GRM5: variants seen among roughly 807,000 people sequenced by gnomAD.
The protein encoded by GRM5 is glutamate metabotropic receptor 5.
In GRM5, 19 loss-of-function variants were observed where a neutral mutation model predicts 83.1. The ratio of observed to expected loss-of-function variants is 0.23; its 90% CI spans 0.16 to 0.34. The LOEUF is 0.34. Among genes scored for constraint, GRM5 ranks in the 10% least tolerant of loss-of-function variants. The pLI is 1.00. For missense variants in GRM5, 1,160 were observed against 1,588.3 expected (o/e 0.73, Z 4.58); for synonymous variants, 675 against 633.6 (o/e 1.07, Z -0.98).
At chr11:88,550,620 T>C (rs1591340963) in intron 8 of GRM5, among the ~76,000 whole-genome samples, 2 of 152,060 alleles carry the variant, frequency 1.3e-5, no homozygotes, top group Non-Finnish European at 2.9e-5. Flanking sequence ...CTTCAGACAG[T>C]GGCTTTATAT....
rs530155892 is a variant in GRM5 at position 88,919,259 on chromosome 11, G to A, written c.662-69104C>T. ...GTAGCTATATATATATATATATATCGGATAAAATAGATTTTAAGACAATAA... is the reference window on the plus strand; with the variant it reads ...GTAGCTATATATATATATATATATCAGATAAAATAGATTTTAAGACAATAA... On this transcript the variant is annotated intron_variant, in intron 2 of 9. Coordinates refer to ENST00000305447, the MANE Select transcript of GRM5 (RefSeq NM_001143831.3). Among the ~76,000 whole-genome samples, 5 of 14,772 alleles carry A rather than the reference G, an allele frequency of 3.4e-4. 1 individual carries two copies. The East Asian group carries it at 7.4e-3, about 22-fold the overall frequency. The allele number at this position is 14,772 out of a possible 152,430, so 9.7% of individuals were successfully genotyped here.
chr11:88,814,780 G>GA (rs35623675), intron 3 of GRM5, among the ~76,000 whole-genome samples: 3 of 151,728 alleles, frequency 2.0e-5, no homozygotes, highest in East Asian at 1.9e-4. Flanking sequence ...AGAATAGTGG[G>GA]AAAAAAACAA....
chr11:88,874,840 C>T (rs1944823955), intron 2 of GRM5, among the ~76,000 whole-genome samples: 1 of 151,910 alleles, frequency 6.6e-6, no homozygotes, highest in African/African-American at 2.4e-5. Flanking sequence ...TATAATACCA[C>T]ACTGTAGTTT....
intron 3 of GRM5, among the ~76,000 whole-genome samples, chr11:88,811,430 A>G (rs1417740660): frequency 6.6e-6 from 1 of 152,174 alleles, no homozygotes; most frequent in African/African-American, 2.4e-5. Flanking sequence ...TGTAGAATCC[A>G]CAGTATTCTC....
In GRM5 at chr11:88,655,671, G is replaced by GTT. The variant is rs34122425; in HGVS notation, c.912-2270_912-2269dup. Among the ~76,000 whole-genome samples, 202 of 135,002 alleles carry GTT rather than the reference G, an allele frequency of 1.5e-3. No homozygotes were observed. The Middle Eastern group carries it at 0.016, about 11-fold the overall frequency. The allele number at this position is 135,002 out of a possible 152,430, so 88.6% of individuals were successfully genotyped here. Reference sequence around the variant, plus strand: ...TGATCTCTCATCATGTACTTTCTCTGTTTTTTTTTTTTTTGAGGTATATAT... The same window carrying GTT: ...TGATCTCTCATCATGTACTTTCTCTGTTTTTTTTTTTTTTTTGAGGTATATAT... On this transcript the variant is annotated intron_variant, in intron 3 of 9. Transcript: ENST00000305447.
chr11:88,941,951 CA>C (rs1938128927), intron 2 of GRM5, among the ~76,000 whole-genome samples: 2 of 151,918 alleles, frequency 1.3e-5, no homozygotes, highest in African/African-American at 2.4e-5. Flanking sequence ...CAATGTTACA[CA>C]AAAAAATTCA....
At chr11:88,720,080 C>T (rs1262997469) in intron 3 of GRM5, among the ~76,000 whole-genome samples, 1 of 151,826 alleles carries the variant, frequency 6.6e-6, no homozygotes, top group East Asian at 1.9e-4. Flanking sequence ...ACTCTCTTCC[C>T]TAAAATATAA....
At chr11:88,805,752 T>C (rs567068835) in intron 3 of GRM5, among the ~76,000 whole-genome samples, 1 of 152,320 alleles carries the variant, frequency 6.6e-6, no homozygotes, top group East Asian at 1.9e-4. Context: ...GATTAGCACA[T>C]AATATATACT....
At chr11:88,786,802 G>A (rs568048732) in intron 3 of GRM5, among the ~76,000 whole-genome samples, 2 of 150,890 alleles carry the variant, frequency 1.3e-5, no homozygotes, top group South Asian at 2.1e-4. Context: ...CCCTTTCCTC[G>A]CTCCACTTAA....
At chr11:89,051,987 G>A (rs1182460601) in intron 1 of GRM5, among the ~76,000 whole-genome samples, 1 of 152,218 alleles carries the variant, frequency 6.6e-6, no homozygotes, top group Non-Finnish European at 1.5e-5. Flanking sequence ...CTAGATGTGA[G>A]TAGTAAGGTA....
rs563508524 is a variant in GRM5, at chr11:88,848,837, A to C, written c.911+1069T>G. Among the ~76,000 whole-genome samples, 4 of 152,320 alleles carry C rather than the reference A, an allele frequency of 2.6e-5. No individual in the cohort carries two copies. The East Asian group carries it at 7.7e-4, about 29-fold the overall frequency. ...ACATTTGAAGCAGTAGACTGAGTAAAGCAGATTGCCCTCTCTAATATGGAT... is the reference window on the plus strand; with the variant it reads ...ACATTTGAAGCAGTAGACTGAGTAACGCAGATTGCCCTCTCTAATATGGAT... On this transcript the variant is annotated intron_variant, in intron 3 of 9. Coordinates refer to ENST00000305447, the MANE Select transcript of GRM5 (RefSeq NM_001143831.3).
intron 2 of GRM5, among the ~76,000 whole-genome samples, chr11:89,014,323 C>A (rs1337297210): frequency 1.3e-5 from 2 of 152,118 alleles, no homozygotes; most frequent in East Asian, 3.9e-4. Flanking sequence ...GCACATGGTA[C>A]AGAAAACAGA....
At chr11:88,622,903 A>G (rs1938679140) in intron 4 of GRM5, among the ~76,000 whole-genome samples, 1 of 152,172 alleles carries the variant, frequency 6.6e-6, no homozygotes, top group Non-Finnish European at 1.5e-5. Flanking sequence ...CAAGTTATTT[A>G]CTCTGTCTAA....
In GRM5 at chr11:88,692,433, C is replaced by T. The variant is rs1248398592; in HGVS notation, c.912-39030G>A. On this transcript the variant is annotated intron_variant, in intron 3 of 9. Transcript: ENST00000305447. ...TAGGTTATTATTAGCTACAGAATAG[C>T]TTCAAATAAAGACGAATGCTGAATG... is the stretch of plus-strand genomic sequence containing the variant. 2.6e-5 allele frequency among the ~76,000 whole-genome samples: 4 copies of T among 152,258 alleles called. No homozygotes were observed. The East Asian group carries it at 7.7e-4, about 29-fold the overall frequency.
At chr11:88,745,956 C>T (rs923278482) in intron 3 of GRM5, among the ~76,000 whole-genome samples, 3 of 152,162 alleles carry the variant, frequency 2.0e-5, no homozygotes, top group African/African-American at 7.2e-5. Flanking sequence ...GTTCCCTCAT[C>T]TTTAAAACGA....
At chr11:88,908,462 A>G (rs1294275613) in intron 2 of GRM5, among the ~76,000 whole-genome samples, 2 of 152,008 alleles carry the variant, frequency 1.3e-5, no homozygotes, top group African/African-American at 4.8e-5. Flanking sequence ...CCTCTGCACC[A>G]CCTCTTTCAC....
chr11:88,685,081 A>G (rs1321878730), intron 3 of GRM5, among the ~76,000 whole-genome samples: 2 of 152,190 alleles, frequency 1.3e-5, no homozygotes, highest in African/African-American at 4.8e-5. Flanking sequence ...TCAGAAGAAG[A>G]CAAGAATATG....
intron 2 of GRM5, among the ~76,000 whole-genome samples, chr11:88,877,718 A>G (rs756341534): frequency 6.6e-6 from 1 of 151,650 alleles, no homozygotes; most frequent in Non-Finnish European, 1.5e-5. Flanking sequence ...AGCTACTTGG[A>G]ACTTGGGAGG....
chr11:88,778,380 A>G (rs1003183492), intron 3 of GRM5, among the ~76,000 whole-genome samples: 1 of 152,216 alleles, frequency 6.6e-6, no homozygotes, highest in African/African-American at 2.4e-5. Flanking sequence ...TTGCTAGGAA[A>G]GGGAAATCCC....
Sources: allele counts gnomAD v4.1 joint callset (sites outside exome capture counted in the v4.1 genomes callset), GRCh38; gene constraint gnomAD v4.1.1; transcripts MANE v1.5; gene names NCBI Gene and HGNC (gene_info 2026-07-23, HGNC 2026-07-21).